The following UGT1A8 variants were observed in gnomAD, a reference collection of about 807,000 sequenced individuals.
UGT1A8 encodes the protein UDP-glucuronosyltransferase 1A8.
In UGT1A8, 39 loss-of-function variants were observed where a neutral mutation model predicts 45.3. That is an observed-to-expected ratio of 0.86 (90% CI 0.67 to 1.12). The LOEUF is 1.12. UGT1A8 is among the 50% of genes most tolerant of loss of function. The pLI is 0.00. For synonymous variants in UGT1A8, 275 were observed against 249.2 expected, an observed-to-expected ratio of 1.10 and a Z score of -0.97; for missense variants, 719 against 664.9, an observed-to-expected ratio of 1.08 and a Z score of -0.90.
chr2:233,747,843 G>C, intron 1 of UGT1A8: 1 of 1,613,470 alleles, frequency 6.2e-7, no homozygotes, highest in African/African-American at 1.3e-5. Context: ...CCTGCAAAGG[G>C]TCAAGAACAT....
At chr2:233,682,564 C>A (rs780627101) in intron 1 of UGT1A8, 1 of 1,613,938 alleles carries the variant, frequency 6.2e-7, no homozygotes, top group Admixed American at 1.7e-5. Context: ...GAGTATGGAA[C>A]CACATCATGC....
In UGT1A8 at chr2:233,693,777, A is replaced by T. The variant is rs112793692; in HGVS notation, c.856-73257A>T. The T allele has an allele frequency of 2.0e-5, 32 of 1,614,100 alleles. No individual in the cohort carries two copies. The East Asian group carries it at 5.3e-4, about 27-fold the overall frequency. ...GTCTCTGTTTGGCTGTTAAGATATGACTTTGTGCTTGAATATCCTAGGCCG... is the reference window on the plus strand; with the variant it reads ...GTCTCTGTTTGGCTGTTAAGATATGTCTTTGTGCTTGAATATCCTAGGCCG... On this transcript the variant is annotated intron_variant, in intron 1 of 4. Coordinates refer to ENST00000373450, the MANE Select transcript of UGT1A8 (RefSeq NM_019076.5).
In UGT1A8 at chr2:233,767,082, TTC is replaced by T; in HGVS notation, c.908_909del (p.Ser303PhefsTer18). ...NASGEHGIVV[F>X]SLGSMVSEIP... ...TTCTGGAGAACATGGAATTGTGGTTTTCTCTTTGGGATCAATGGTCTCAGAAA... is the reference window on the plus strand; with the variant it reads ...TTCTGGAGAACATGGAATTGTGGTTTTCTTTGGGATCAATGGTCTCAGAAA... On this transcript the variant is annotated frameshift_variant, in exon 2 of 5. Coordinates refer to ENST00000373450, the MANE Select transcript of UGT1A8 (RefSeq NM_019076.5). LOFTEE classifies it high-confidence loss of function. The T allele has an allele frequency of 6.2e-7, 1 of 1,614,166 alleles. No homozygotes were observed. The highest frequency in any genetic ancestry group is 8.5e-7 in the Non-Finnish European group (1 of 1,180,030).
chr2:233,701,346 A>T (rs148707887), intron 1 of UGT1A8, among the ~76,000 whole-genome samples: 1 of 152,088 alleles, frequency 6.6e-6, no homozygotes, highest in African/African-American at 2.4e-5. Flanking sequence ...ACAGTGTAAA[A>T]GTTCTTAGAG....
At chr2:233,683,140 G>T (rs2074619187) in intron 1 of UGT1A8, among the ~76,000 whole-genome samples, 1 of 151,960 alleles carries the variant, frequency 6.6e-6, no homozygotes, top group South Asian at 2.1e-4. Context: ...AGTTTTGTGT[G>T]AATTGTTTTC....
chr2:233,726,932 C>A (rs1467688667), intron 1 of UGT1A8, among the ~76,000 whole-genome samples: 1 of 151,974 alleles, frequency 6.6e-6, no homozygotes, highest in East Asian at 1.9e-4. Flanking sequence ...TTCCTTTTTT[C>A]ATTTTTAAAA....
In UGT1A8 at chr2:233,719,743, A is replaced by T. The variant is rs568452098; in HGVS notation, c.856-47291A>T. 25 of 1,613,098 alleles carry T rather than the reference A, an allele frequency of 1.5e-5. No homozygotes were observed. In the East Asian group the frequency reaches 5.3e-4, roughly 35 times the overall value. ...TTCCAGGCAAAACACTTTTTAAAAA[A>T]TGTATTTACTTACAAGTGCTTCCAT... On this transcript the variant is annotated intron_variant, in intron 1 of 4. Coordinates refer to ENST00000373450, the MANE Select transcript of UGT1A8 (RefSeq NM_019076.5).
At chr2:233,664,745 T>C (rs971694206) in intron 1 of UGT1A8, among the ~76,000 whole-genome samples, 11 of 152,142 alleles carry the variant, frequency 7.2e-5, no homozygotes, top group Non-Finnish European at 1.0e-4. Flanking sequence ...ACCTCCAACA[T>C]TGGGTATCAT....
chr2:233,751,062 CA>C (rs1460604687), intron 1 of UGT1A8, among the ~76,000 whole-genome samples: 3 of 151,906 alleles, frequency 2.0e-5, no homozygotes, highest in Non-Finnish European at 4.4e-5. Context: ...CACAGACACT[CA>C]ATGCCAGCCT....
At chr2:233,694,502 C>T (rs28898577) in intron 1 of UGT1A8, among the ~76,000 whole-genome samples, 1,914 of 152,186 alleles carry the variant, frequency 0.013, 39 homozygotes, top group African/African-American at 0.043. Context: ...TTTACAGATG[C>T]CCTCCTGACA....
At chr2:233,721,874 C>G in intron 1 of UGT1A8, 5 of 497,190 alleles carry the variant, frequency 1.0e-5, no homozygotes, top group South Asian at 7.3e-5. Context: ...GGCACACTTG[C>G]CAGCCCCTCC....
At position 233,738,235 on chromosome 2, in the gene UGT1A8, C is replaced by G. The variant is rs190187890; in HGVS notation, c.856-28799C>G. 1.4e-4 allele frequency among the ~76,000 whole-genome samples: 21 copies of G among 152,332 alleles called. No individual in the cohort carries two copies. In the East Asian group the frequency reaches 3.3e-3, roughly 24 times the overall value. ...GGATTATAAGTTTCCTGAGGCCCCTCCAGCCACATGGAACTGGAGTCAATT... is the reference window on the plus strand; with the variant it reads ...GGATTATAAGTTTCCTGAGGCCCCTGCAGCCACATGGAACTGGAGTCAATT... On this transcript the variant is annotated intron_variant, in intron 1 of 4. Coordinates refer to ENST00000373450, the MANE Select transcript of UGT1A8 (RefSeq NM_019076.5).
intron 1 of UGT1A8, chr2:233,730,118 T>A (rs1380920361): frequency 6.0e-5 from 93 of 1,555,792 alleles, no homozygotes; most frequent in Non-Finnish European, 7.7e-5. Context: ...CTTCTCCTTG[T>A]CATAATAGCC....
At chr2:233,682,427 C>T in intron 1 of UGT1A8, 2 of 1,613,826 alleles carry the variant, frequency 1.2e-6, no homozygotes, top group Non-Finnish European at 1.7e-6. Flanking sequence ...TTTCTCCCTC[C>T]CCTCTGTGGT....
At chr2:233,740,302 A>C (rs564436017) in intron 1 of UGT1A8, among the ~76,000 whole-genome samples, 20 of 152,050 alleles carry the variant, frequency 1.3e-4, no homozygotes, top group Non-Finnish European at 2.5e-4. Flanking sequence ...GGAGAGTCTG[A>C]GAAAAGGAAA....
chr2:233,755,325 G>T, intron 1 of UGT1A8: 1 of 473,384 alleles, frequency 2.1e-6, no homozygotes, highest in Non-Finnish European at 3.6e-6. Flanking sequence ...AAGGCTGCCA[G>T]CACCCGCGCA....
chr2:233,680,053 A>T (rs1247951013), intron 1 of UGT1A8, among the ~76,000 whole-genome samples: 9 of 149,908 alleles, frequency 6.0e-5, no homozygotes, highest in Non-Finnish European at 1.2e-4. Flanking sequence ...TTTCTTTTGC[A>T]ATGGTCCTTA....
At chr2:233,634,819 TA>T (rs2073250091) in intron 1 of UGT1A8, among the ~76,000 whole-genome samples, 1 of 150,908 alleles carries the variant, frequency 6.6e-6, no homozygotes, top group Non-Finnish European at 1.5e-5. Context: ...TTAATATTGT[TA>T]TGTGTGAACT....
intron 1 of UGT1A8, chr2:233,755,332 C>T (rs556124321): frequency 8.7e-6 from 4 of 459,716 alleles, no homozygotes; most frequent in South Asian, 5.8e-5. Flanking sequence ...CCAGCACCCG[C>T]GCACAGGTCA....
Sources: gnomAD v4.1 joint callset for allele counts (sites outside exome capture counted in the v4.1 genomes callset) on GRCh38, gnomAD v4.1.1 for gene constraint, MANE v1.5 for transcripts, NCBI Gene and HGNC (gene_info 2026-07-23, HGNC 2026-07-21) for gene names.